Variants in KMT2C observed in about 807,000 individuals in gnomAD.
KMT2C encodes histone-lysine N-methyltransferase 2C.
A neutral mutation model predicts 507.9 loss-of-function variants in KMT2C; 88 were observed. The ratio of observed to expected loss-of-function variants is 0.17; its 90% CI spans 0.15 to 0.21. The LOEUF (loss-of-function observed/expected upper bound fraction) is 0.21. KMT2C is among the 10% of genes least tolerant of loss of function. The pLI, the probability that KMT2C is intolerant of heterozygous loss-of-function variation, is 1.00. For missense variants in KMT2C, 4,954 were observed against 5,957.8 expected (o/e 0.83, Z 5.55); for synonymous variants, 2,049 against 2,080.8 (o/e 0.98, Z 0.42).
Position 152,148,426 on chromosome 7 carries a change from T to C in KMT2C, c.13501A>G (p.Met4501Val), listed in dbSNP as rs773633131. 2.5e-6 allele frequency: 4 copies of C among 1,614,158 alleles called. No homozygotes were observed. Among genetic ancestry groups the C allele is most frequent in the East Asian group, 2.2e-5 (1 of 44,904 alleles). The change falls in exon 52 of 59, where the codon ATG becomes GTG. Residue 4501 changes from methionine (M) to valine (V), a missense_variant. Physicochemically the swap from Met to Val is conservative, Grantham distance 21 (BLOSUM62 1). Coordinates refer to ENST00000262189, the MANE Select transcript of KMT2C (RefSeq NM_170606.3). This position sits in a 1 kb window ranked among gnomAD's most constrained non-coding sequence, Gnocchi z 7.1. ...AQCMFFKDKTMLCPMHKPKGI... is the reference protein window; with the variant it reads ...AQCMFFKDKTVLCPMHKPKGI... ...TTTGGTTTGTGCATGGGGCAAAGCA[T>C]AGTTTTGTCCTTAAAAAACATGCAT...
chr7:152,232,335 T>C (rs2095143857), intron 16 of KMT2C, among the ~76,000 whole-genome samples: 1 of 152,222 alleles, frequency 6.6e-6, no homozygotes, highest in Non-Finnish European at 1.5e-5. Context: ...CGCAACATTT[T>C]AAAAGTAGGG....
At chr7:152,164,324 CTG>C (rs954933278) in intron 42 of KMT2C, among the ~76,000 whole-genome samples, 2 of 148,404 alleles carry the variant, frequency 1.3e-5, no homozygotes, top group African/African-American at 5.0e-5. Context: ...GAGTCTCGCT[CTG>C]TCGCCCAGGC....
intron 3 of KMT2C, among the ~76,000 whole-genome samples, chr7:152,322,390 G>C (rs2096780798): frequency 6.6e-6 from 1 of 151,842 alleles, no homozygotes; most frequent in African/African-American, 2.4e-5. Context: ...TCGACCAATG[G>C]AACAGGAATG....
In KMT2C at chr7:152,174,146, G is replaced by A. The variant is rs368317084; in HGVS notation, c.9359C>T (p.Pro3120Leu). 2 of 1,599,392 alleles carry A rather than the reference G, an allele frequency of 1.3e-6. No homozygotes were observed. The highest frequency in any genetic ancestry group is 1.7e-6 in the Non-Finnish European group (2 of 1,170,344). ...VMAQNNLGMPPMVMSRFPFMG... is the reference protein window; with the variant it reads ...VMAQNNLGMPLMVMSRFPFMG... The stretch of plus-strand genomic sequence containing the variant: ...CTCCACCTACCTGCTCATCACCATT[G>A]GTGGCATGCCCAGATTGTTTTGTGC... The change falls in exon 39 of 59, where the codon CCA becomes CTA. Residue 3120 changes from proline to leucine, a missense_variant. Around this residue, in one of 29 missense-constraint regions of KMT2C, gnomAD observed 1,689 missense variants for 1,654.3 expected, o/e 1.02. Transcript: ENST00000262189.
At chr7:152,183,668 G>A (rs187428880) in intron 34 of KMT2C, among the ~76,000 whole-genome samples, 177 of 152,096 alleles carry the variant, frequency 1.2e-3, no homozygotes, top group Non-Finnish European at 2.0e-3. Context: ...AGGCTGAGGC[G>A]GGTGGATCAC....
At chr7:152,397,475 A>G (rs150804128) in intron 1 of KMT2C, among the ~76,000 whole-genome samples, 171 of 152,246 alleles carry the variant, frequency 1.1e-3, no homozygotes, top group African/African-American at 3.9e-3. Flanking sequence ...CCAGCTTCTT[A>G]CCACGGTGTG....
intron 3 of KMT2C, among the ~76,000 whole-genome samples, chr7:152,329,516 G>C (rs1160084510): frequency 6.6e-6 from 1 of 151,850 alleles, no homozygotes; most frequent in Non-Finnish European, 1.5e-5. Flanking sequence ...CCTGCAGTGA[G>C]CTGTGATCAC....
chr7:152,433,811 G>A (rs762574912), intron 1 of KMT2C, among the ~76,000 whole-genome samples: 4 of 152,270 alleles, frequency 2.6e-5, no homozygotes, highest in Non-Finnish European at 5.9e-5. Context: ...TAATACAAAT[G>A]AGCTCATTTC....
intron 1 of KMT2C, among the ~76,000 whole-genome samples, chr7:152,433,865 G>A (rs1377135013): frequency 1.3e-5 from 2 of 152,280 alleles, no homozygotes; most frequent in African/African-American, 4.8e-5. Context: ...GTGAGTGTGC[G>A]CGTGTGCGCG....
At chr7:152,415,968 A>G (rs952058012) in intron 1 of KMT2C, among the ~76,000 whole-genome samples, 6 of 152,144 alleles carry the variant, frequency 3.9e-5, no homozygotes, top group Non-Finnish European at 7.4e-5. Context: ...TTCTGTTGTT[A>G]AGATAAAGAT....
chr7:152,302,861 C>G (rs1424187951), intron 6 of KMT2C, among the ~76,000 whole-genome samples: 1 of 151,542 alleles, frequency 6.6e-6, no homozygotes, highest in African/African-American at 2.4e-5. Flanking sequence ...TTAGGCTGGT[C>G]TCGAACTCCT....
At chr7:152,311,982 C>G (rs1225620570) in intron 4 of KMT2C, 36 bp from the exon 5 acceptor site, 1 of 1,504,054 alleles carries the variant, frequency 6.6e-7, no homozygotes, top group Non-Finnish European at 9.0e-7. Flanking sequence ...AAAGTGAAAA[C>G]AAGCAGAAAA....
At chr7:152,345,268 G>A (rs934480170) in intron 2 of KMT2C, among the ~76,000 whole-genome samples, 3 of 151,978 alleles carry the variant, frequency 2.0e-5, no homozygotes, top group Non-Finnish European at 4.4e-5. Flanking sequence ...TAATTAGCCA[G>A]GAGTGGTGGT....
At chr7:152,370,010 G>A (rs1266079653) in intron 1 of KMT2C, among the ~76,000 whole-genome samples, 4 of 151,996 alleles carry the variant, frequency 2.6e-5, no homozygotes, top group African/African-American at 7.3e-5. Context: ...TGGCTAACAC[G>A]GTGAAACCCC....
In KMT2C at chr7:152,183,280, T is replaced by C. The variant is rs1390603079; in HGVS notation, c.5083-124A>G. 3 of 701,050 alleles carry C rather than the reference T, an allele frequency of 4.3e-6. No individual in the cohort carries two copies. In the East Asian group the frequency reaches 7.9e-5, roughly 18 times the overall value. The allele number at this position is 701,050 out of a possible 1,614,324, so 43.4% of individuals were successfully genotyped here. Reference sequence around the variant, plus strand: ...AGTCAGGTAAAATAGCTGAAATACTTACGGCACCTCCCAAAAAAGGATCTG... The same window carrying C: ...AGTCAGGTAAAATAGCTGAAATACTCACGGCACCTCCCAAAAAAGGATCTG... On this transcript the variant is annotated intron_variant, in intron 34 of 58. Coordinates refer to ENST00000262189, the MANE Select transcript of KMT2C (RefSeq NM_170606.3).
At chr7:152,228,565 CTA>C (rs2095005594) in intron 18 of KMT2C, among the ~76,000 whole-genome samples, 1 of 152,160 alleles carries the variant, frequency 6.6e-6, no homozygotes, top group Admixed American at 6.5e-5. Context: ...CTACCAGTAA[CTA>C]TGTGTTTGAT....
chr7:152,266,856 C>T (rs372271215), intron 7 of KMT2C, among the ~76,000 whole-genome samples: 3,059 of 107,700 alleles, frequency 0.028, no homozygotes, highest in African/African-American at 0.053. Context: ...CTCTGACGTA[C>T]TTCATGAAGG....
chr7:152,299,735 C>A (rs2096549585), intron 6 of KMT2C, among the ~76,000 whole-genome samples: 1 of 151,624 alleles, frequency 6.6e-6, no homozygotes, highest in Non-Finnish European at 1.5e-5. Flanking sequence ...ATTAAATGTA[C>A]ATGGTCTAAA....
intron 2 of KMT2C, among the ~76,000 whole-genome samples, chr7:152,334,003 T>C (rs950128246): frequency 2.0e-5 from 3 of 151,824 alleles, no homozygotes; most frequent in African/African-American, 7.3e-5. Flanking sequence ...AAAATGAAAA[T>C]TTACATTTCT....
Sources: allele counts gnomAD v4.1 joint callset (sites outside exome capture counted in the v4.1 genomes callset), GRCh38; gene constraint gnomAD v4.1.1; regional missense constraint gnomAD v4.1.1; non-coding constraint Gnocchi (gnomAD v3.1); transcripts MANE v1.5; gene names NCBI Gene and HGNC (gene_info 2026-07-23, HGNC 2026-07-21).